NAA11: variants seen among roughly 807,000 people sequenced by gnomAD.
The protein encoded by NAA11 is N-alpha-acetyltransferase 11.
NAA11 carries 15 observed loss-of-function variants against 16.1 expected under a neutral mutation model. That is an observed-to-expected ratio of 0.93 (90% CI 0.62 to 1.44). The LOEUF is 1.44. Among genes scored for constraint, NAA11 ranks in the 40% most tolerant of loss-of-function variants. The pLI is 0.00. For missense variants in NAA11, 298 were observed against 291.3 expected, an observed-to-expected ratio of 1.02 and a Z score of -0.17; for synonymous variants, 122 against 112.4, an observed-to-expected ratio of 1.09 and a Z score of -0.54.
intron 1 of NAA11, among the ~76,000 whole-genome samples, chr4:79,322,228 AAT>A (rs2110017841): frequency 6.6e-6 from 1 of 152,352 alleles, no homozygotes; most frequent in South Asian, 2.1e-4. Flanking sequence ...GGGGCCATTG[AAT>A]ATGTCTCAGC....
rs758246770 is a variant in NAA11 at position 79,325,321 on chromosome 4, G to C, written c.557C>G (p.Ser186Cys). Residue 186 changes from serine (S) to cysteine (C), a missense_variant, in exon 1 of 2, where the codon TCT becomes TGT. Coordinates refer to ENST00000286794, the MANE Select transcript of NAA11 (RefSeq NM_032693.3). ...ENQETQGSTL[S>C]DSEEACQQKN... ...TTGCTGACAGGCCTCTTCAGAATCA[G>C]AAAGTGTGCTGCCCTGGGTCTCCTG... The C allele has an allele frequency of 6.2e-7, 1 of 1,613,958 alleles. No homozygotes were observed.
the NAA11 span, among the ~76,000 whole-genome samples, chr4:79,198,903 G>T: frequency 3.3e-5 from 5 of 151,848 alleles, no homozygotes; most frequent in Non-Finnish European, 5.9e-5. Context: ...TATGCAACCT[G>T]CAGGAAAACA....
chr4:79,302,759 T>G (rs1275641539), intron 1 of NAA11, among the ~76,000 whole-genome samples: 2 of 152,058 alleles, frequency 1.3e-5, no homozygotes, highest in Non-Finnish European at 2.9e-5. Context: ...TCTTTTTCCC[T>G]TCTTACAAAA....
chr4:79,180,739 C>G, the NAA11 span, among the ~76,000 whole-genome samples: 1 of 120,600 alleles, frequency 8.3e-6, no homozygotes, highest in Non-Finnish European at 1.9e-5. Context: ...GCTATATACC[C>G]AAAGGATTAT....
At chr4:79,206,182 CTG>C in the NAA11 span, among the ~76,000 whole-genome samples, 2 of 151,990 alleles carry the variant, frequency 1.3e-5, no homozygotes, top group Non-Finnish European at 2.9e-5. Flanking sequence ...CGCATTGAAT[CTG>C]TAGATTGCTT....
At chr4:79,250,209 G>A (rs76059121) in intron 2 of NAA11, among the ~76,000 whole-genome samples, 2,749 of 151,390 alleles carry the variant, frequency 0.018, 88 homozygotes, top group African/African-American at 0.064. Flanking sequence ...GGGCATGCAC[G>A]GAGATGCAGG....
At chr4:79,194,178 T>A in the NAA11 span, among the ~76,000 whole-genome samples, 2 of 132,450 alleles carry the variant, frequency 1.5e-5, no homozygotes, top group Non-Finnish European at 3.2e-5. Flanking sequence ...ACAGGGACAA[T>A]TTGACTTCCT....
the NAA11 span, among the ~76,000 whole-genome samples, chr4:79,217,826 G>T: frequency 6.6e-6 from 1 of 152,164 alleles, no homozygotes; most frequent in Middle Eastern, 3.4e-3. Context: ...ATCTTACATT[G>T]TAGGTAATTT....
At chr4:79,292,579 C>T (rs1723112969) in intron 2 of NAA11, among the ~76,000 whole-genome samples, 1 of 152,144 alleles carries the variant, frequency 6.6e-6, no homozygotes, top group African/African-American at 2.4e-5. Flanking sequence ...AGGGATTAAG[C>T]CCATTCCAAT....
the NAA11 span, among the ~76,000 whole-genome samples, chr4:79,215,478 T>C: frequency 1.1e-3 from 170 of 152,284 alleles, 5 homozygotes; most frequent in South Asian, 0.023. Flanking sequence ...TCCCAGCAAA[T>C]CATGTTATCC....
At chr4:79,246,377 T>TAAAAAA (rs869224539) in intron 2 of NAA11, among the ~76,000 whole-genome samples, 16 of 22,446 alleles carry the variant, frequency 7.1e-4, no homozygotes, top group East Asian at 2.4e-3. Flanking sequence ...CAATAAATAC[T>TAAAAAA]AAAAAAAAAA....
At chr4:79,179,291 T>G in the NAA11 span, among the ~76,000 whole-genome samples, 1 of 152,186 alleles carries the variant, frequency 6.6e-6, no homozygotes, top group Non-Finnish European at 1.5e-5. Flanking sequence ...GAGCGGAAAT[T>G]CTACAATTTG....
the NAA11 span, among the ~76,000 whole-genome samples, chr4:79,167,268 TATAGAG>T: frequency 9.9e-3 from 1,142 of 115,824 alleles, 29 homozygotes; most frequent in African/African-American, 0.036. Flanking sequence ...TATATATATA[TATAGAG>T]AGAGAGAGAG....
chr4:79,225,686 T>C (rs1214386088), downstream of NAA11: 1 of 152,110 alleles, frequency 6.6e-6, no homozygotes, highest in Non-Finnish European at 1.5e-5. Flanking sequence ...GAGGACTTAG[T>C]GAGTTAAAAG....
chr4:79,289,595 C>A (rs974367890), intron 2 of NAA11, among the ~76,000 whole-genome samples: 16 of 152,178 alleles, frequency 1.1e-4, no homozygotes, highest in African/African-American at 3.6e-4. Context: ...AGAACTCAGA[C>A]AATTTATAAA....
the NAA11 span, among the ~76,000 whole-genome samples, chr4:79,189,145 C>CAAAA: frequency 7.4e-3 from 315 of 42,288 alleles, 28 homozygotes; most frequent in East Asian, 0.039. Flanking sequence ...GACTCCATCT[C>CAAAA]AAAAAAAAAA....
At chr4:79,255,286 G>A (rs909306412) in intron 2 of NAA11, among the ~76,000 whole-genome samples, 1 of 151,908 alleles carries the variant, frequency 6.6e-6, no homozygotes, top group Non-Finnish European at 1.5e-5. Context: ...AAATATTTTT[G>A]TACATGTCTT....
the NAA11 span, among the ~76,000 whole-genome samples, chr4:79,164,968 A>C: frequency 2.0e-5 from 3 of 152,322 alleles, no homozygotes; most frequent in African/African-American, 7.2e-5. Flanking sequence ...TATGAACGTA[A>C]TTGTGTGCTT....
chr4:79,274,600 C>T (rs1464572725), intron 2 of NAA11, among the ~76,000 whole-genome samples: 1 of 152,076 alleles, frequency 6.6e-6, no homozygotes, highest in Non-Finnish European at 1.5e-5. Flanking sequence ...GGTCAAGTTA[C>T]TTTATTCTCG....
Sources: gnomAD v4.1 joint callset for allele counts (sites outside exome capture counted in the v4.1 genomes callset) on GRCh38, gnomAD v4.1.1 for gene constraint, MANE v1.5 for transcripts, NCBI Gene and HGNC (gene_info 2026-07-23, HGNC 2026-07-21) for gene names.